The following FLT4 variants were observed in gnomAD, a reference collection of about 807,000 sequenced individuals.
FLT4 encodes the protein fms related receptor tyrosine kinase 4.
In FLT4, 30 loss-of-function variants were observed where a neutral mutation model predicts 163.2. The ratio of observed to expected loss-of-function variants is 0.18; its 90% CI spans 0.14 to 0.25. The LOEUF (loss-of-function observed/expected upper bound fraction) is 0.25. Among genes scored for constraint, FLT4 ranks in the 10% least tolerant of loss-of-function variants. The pLI, the probability that FLT4 is intolerant of heterozygous loss-of-function variation, is 1.00. For synonymous variants in FLT4, 884 were observed against 789.5 expected (o/e 1.12, Z -2.01); for missense variants, 1,510 against 1,863.8 (o/e 0.81, Z 3.50).
intron 1 of FLT4, among the ~76,000 whole-genome samples, chr5:180,648,739 C>T (rs1032253743): frequency 6.6e-6 from 1 of 152,060 alleles, no homozygotes; most frequent in Non-Finnish European, 1.5e-5. Context: ...CATCCCAACA[C>T]AAACCGAACC....
chr5:180,637,255 G>T (rs947066654), intron 1 of FLT4, among the ~76,000 whole-genome samples: 1 of 151,532 alleles, frequency 6.6e-6, no homozygotes, highest in Non-Finnish European at 1.5e-5. Context: ...GCTTGAACCT[G>T]GGAGGCAGAG....
At position 180,623,686 on chromosome 5, in the gene FLT4, G is replaced by A. The variant is rs1207963281; in HGVS notation, c.1548+249C>T. Among the ~76,000 whole-genome samples the A allele has an allele frequency of 6.6e-6, 1 of 152,188 alleles. No homozygotes were observed. The highest frequency in any genetic ancestry group is 1.5e-5 in the Non-Finnish European group (1 of 68,006). ...TCAGGGGCTCATGGCCTGGCCAGGT[G>A]GCCTTGCATGTCAGCTTCCTTGTCT... On this transcript the variant is annotated intron_variant, in intron 11 of 29. Coordinates refer to ENST00000261937, the MANE Select transcript of FLT4 (RefSeq NM_182925.5). The surrounding 1 kb of genome is among the most constrained non-coding windows in gnomAD (Gnocchi z 5.8).
At chr5:180,610,913 C>T (rs948561254) in intron 27 of FLT4, among the ~76,000 whole-genome samples, 3 of 152,284 alleles carry the variant, frequency 2.0e-5, no homozygotes, top group Admixed American at 1.3e-4. Flanking sequence ...AAAAATTAGC[C>T]AGGCGTGGTG....
At chr5:180,609,534 C>G in intron 28 of FLT4, 1 of 365,994 alleles carries the variant, frequency 2.7e-6, no homozygotes, top group Non-Finnish European at 5.2e-6. Context: ...CCAAGTGGCC[C>G]TGGAGGCAGG....
At position 180,614,015 on chromosome 5, in the gene FLT4, T is replaced by C. The variant is rs183836764; in HGVS notation, c.3331+53A>G. On this transcript the variant is annotated intron_variant, in intron 24 of 29. Transcript: ENST00000261937. ...CTCCAGCAGGGGCGGTCATGTAACCTGCCGCCAGTGACCTCGCCTCCTCTC... is the reference window on the plus strand; with the variant it reads ...CTCCAGCAGGGGCGGTCATGTAACCCGCCGCCAGTGACCTCGCCTCCTCTC... 1.9e-4 allele frequency: 238 copies of C among 1,265,940 alleles called. No individual in the cohort carries two copies. The African/African-American group carries it at 3.1e-3, about 17-fold the overall frequency. 78.4% of individuals were successfully genotyped at this position (1,265,940 alleles called of 1,614,324 possible).
At chr5:180,609,706 A>G in intron 28 of FLT4, 199 bp downstream of exon 28, 1 of 628,462 alleles carries the variant, frequency 1.6e-6, no homozygotes, top group South Asian at 1.8e-5. Flanking sequence ...GGGGGTGACG[A>G]GGGCATAGGA....
chr5:180,641,290 C>A (rs910232168), intron 1 of FLT4, among the ~76,000 whole-genome samples: 3 of 152,236 alleles, frequency 2.0e-5, no homozygotes, highest in African/African-American at 7.2e-5. Flanking sequence ...GGCTCTGTCC[C>A]CAGGCCCAAC....
At chr5:180,647,075 G>A (rs1765525228) in intron 1 of FLT4, among the ~76,000 whole-genome samples, 1 of 152,190 alleles carries the variant, frequency 6.6e-6, no homozygotes, top group South Asian at 2.1e-4. Flanking sequence ...GTCCACATCT[G>A]GGCCTTTGTG....
rs1236396724 is a variant in FLT4, at chr5:180,605,960, G to A, written c.3894-2570C>T. On this transcript the variant is annotated intron_variant, in intron 29 of 29. Transcript: ENST00000261937. ...GAGTGCCGACCAGTGGTTAACAGGAGACAGCGAAGGACTAGGCAGATAGAT... is the reference window on the plus strand; with the variant it reads ...GAGTGCCGACCAGTGGTTAACAGGAAACAGCGAAGGACTAGGCAGATAGAT... 5.9e-5 allele frequency among the ~76,000 whole-genome samples: 9 copies of A among 152,334 alleles called. No homozygotes were observed. The East Asian group carries it at 1.7e-3, about 29-fold the overall frequency.
At chr5:180,609,122 C>T in intron 28 of FLT4, 69 bp from the exon 29 acceptor site, 1 of 1,348,368 alleles carries the variant, frequency 7.4e-7, no homozygotes. Context: ...CCACCCCCAG[C>T]CAGGAAAGTG....
chr5:180,616,442 G>T lies in FLT4; in HGVS notation c.3144C>A (p.Ser1048Arg). The T allele has an allele frequency of 1.2e-6, 2 of 1,613,952 alleles. No homozygotes were observed. The highest frequency in any genetic ancestry group is 1.7e-6 in the Non-Finnish European group (2 of 1,179,998). ...CAAAGTCACAGATCTTCACCACGTC[G>T]CTTTCCGACAGCAGAATGTTCCGAG... Reference protein sequence around the residue: ...LAARNILLSESDVVKICDFGL... With the variant: ...LAARNILLSERDVVKICDFGL... Residue 1048 changes from serine to arginine, a missense_variant, in exon 23 of 30, where the codon AGC becomes AGA. Ser to Arg is a moderately radical substitution (Grantham distance 110). Transcript: ENST00000261937.
At chr5:180,612,874 A>C (rs1306675684) in intron 25 of FLT4, 137 bp downstream of exon 25, 1 of 711,962 alleles carries the variant, frequency 1.4e-6, no homozygotes, top group African/African-American at 1.7e-5. Context: ...GCTACAGACT[A>C]CCCGTGTATC....
intron 18 of FLT4, 63 bp from the exon 19 acceptor site, chr5:180,619,429 G>A (rs747501408): frequency 3.2e-6 from 4 of 1,261,400 alleles, no homozygotes; most frequent in Non-Finnish European, 4.6e-6. Context: ...CCCGCCACCC[G>A]GCGCTTTTGG....
At position 180,646,772 on chromosome 5, in the gene FLT4, C is replaced by T. The variant is rs536495743; in HGVS notation, c.58+2716G>A. Among the ~76,000 whole-genome samples the T allele has an allele frequency of 2.6e-5, 4 of 152,278 alleles. No homozygotes were observed. In the South Asian group the frequency reaches 6.2e-4, roughly 24 times the overall value. On this transcript the variant is annotated intron_variant, in intron 1 of 29. Coordinates refer to ENST00000261937, the MANE Select transcript of FLT4 (RefSeq NM_182925.5). ...TCTTGCATAGAACTGCAGGCTCCTT[C>T]CCTGGGTCGGGGTGCCACTGCTGGG...
In FLT4 at chr5:180,618,853, C is replaced by A. The variant is rs768369889; in HGVS notation, c.2918G>T (p.Arg973Leu). Residue 973 changes from arginine (R) to leucine (L), a missense_variant, in exon 21 of 30, where the codon CGG becomes CTG. Physicochemically the swap from Arg to Leu is moderately radical, Grantham distance 102. Around this residue, in one of 5 missense-constraint regions of FLT4, gnomAD observed 878 missense variants for 1,016.7 expected, o/e 0.86. Coordinates refer to ENST00000261937, the MANE Select transcript of FLT4 (RefSeq NM_182925.5). Reference sequence around the variant, plus strand: ...GAGGACCCTGTCGCTGCTCCCCGGCCGCCTCCGATCCAGCCTGGCGAGCTC... The same window carrying A: ...GAGGACCCTGTCGCTGCTCCCCGGCAGCCTCCGATCCAGCCTGGCGAGCTC... ...MVELARLDRR[R>L]PGSSDRVLFA... 18 of 1,580,722 alleles carry A rather than the reference C, an allele frequency of 1.1e-5. No individual in the cohort carries two copies. Among genetic ancestry groups the A allele is most frequent in the Non-Finnish European group, 1.5e-5 (18 of 1,164,046 alleles).
rs1193292670 is a variant in FLT4, at chr5:180,636,228, C to T, written c.59-4450G>A. 2.0e-5 allele frequency among the ~76,000 whole-genome samples: 3 copies of T among 152,122 alleles called. No individual in the cohort carries two copies. Among genetic ancestry groups the T allele is most frequent in the Non-Finnish European group, 4.4e-5 (3 of 68,018 alleles). ...TTTTCATGACATACCATAACTTATT[C>T]CAGTGACCCCTCTGCCTTTACCAAC... On this transcript the variant is annotated intron_variant, in intron 1 of 29. Coordinates refer to ENST00000261937, the MANE Select transcript of FLT4 (RefSeq NM_182925.5). This position sits in a 1 kb window ranked among gnomAD's most constrained non-coding sequence, Gnocchi z 4.3.
At chr5:180,609,726 G>T in intron 28 of FLT4, 179 bp downstream of exon 28, 1 of 710,720 alleles carries the variant, frequency 1.4e-6, no homozygotes, top group Non-Finnish European at 2.5e-6. Context: ...ACAGAAAGCA[G>T]CTGTGAGTCG....
In FLT4 at chr5:180,611,545, A is replaced by G. The variant is rs744283; in HGVS notation, c.3538-66T>C. The G allele has an allele frequency of 0.079, 113,248 of 1,426,430 alleles. 5,016 individuals are homozygous for G. Among genetic ancestry groups the G allele is most frequent in the East Asian group, 0.18 (7,112 of 39,486 alleles). 88.4% of individuals were successfully genotyped at this position (1,426,430 alleles called of 1,614,324 possible). On this transcript the variant is annotated intron_variant, in intron 26 of 29. Coordinates refer to ENST00000261937, the MANE Select transcript of FLT4 (RefSeq NM_182925.5). ...GCCACTGCCCTCAGCCCTCGCCCCC[A>G]CCCTCAGCCCTCACCCCCGCCCTCA...
intron 23 of FLT4, among the ~76,000 whole-genome samples, chr5:180,615,678 G>GGC (rs1561705294): frequency 7.9e-5 from 2 of 25,442 alleles, no homozygotes; most frequent in African/African-American, 1.3e-4. Context: ...GGAGCACTGG[G>GGC]CCTGCCGGTC....
Sources: gnomAD v4.1 joint callset for allele counts (sites outside exome capture counted in the v4.1 genomes callset) on GRCh38, gnomAD v4.1.1 for gene constraint, gnomAD v4.1.1 regional missense constraint, Gnocchi (gnomAD v3.1) non-coding constraint, MANE v1.5 for transcripts, NCBI Gene and HGNC (gene_info 2026-07-23, HGNC 2026-07-21) for gene names.